BANP: variants seen among roughly 807,000 people sequenced by gnomAD.
BANP encodes BTG3 associated nuclear protein.
In BANP, 11 loss-of-function variants were observed where a neutral mutation model predicts 68.1. That is an observed-to-expected ratio of 0.16 (90% CI 0.10 to 0.27). The LOEUF is 0.27. Among genes scored for constraint, BANP ranks in the 10% least tolerant of loss-of-function variants. The pLI is 1.00. For missense variants in BANP, 504 were observed against 722.7 expected, an observed-to-expected ratio of 0.70 and a Z score of 3.47; for synonymous variants, 329 against 303.2, an observed-to-expected ratio of 1.09 and a Z score of -0.88.
At chr16:88,051,702 A>G (rs1338746201) in intron 11 of BANP, among the ~76,000 whole-genome samples, 1 of 152,188 alleles carries the variant, frequency 6.6e-6, no homozygotes, top group Non-Finnish European at 1.5e-5. Context: ...AAATCCGCAT[A>G]GAGAAATTCA....
intron 11 of BANP, among the ~76,000 whole-genome samples, chr16:88,040,242 A>G (rs1415345928): frequency 2.1e-5 from 3 of 144,880 alleles, no homozygotes; most frequent in Admixed American, 7.0e-5. Context: ...CTCGTTTTCC[A>G]TTTGTGGAAA....
At chr16:88,041,977 G>T (rs564843734) in intron 11 of BANP, among the ~76,000 whole-genome samples, 2 of 152,344 alleles carry the variant, frequency 1.3e-5, no homozygotes, top group South Asian at 2.1e-4. Context: ...AGGAGGGTGA[G>T]AGACGCAGTA....
At chr16:88,041,315 A>G (rs1340944522) in intron 11 of BANP, among the ~76,000 whole-genome samples, 5 of 152,176 alleles carry the variant, frequency 3.3e-5, no homozygotes, top group African/African-American at 4.8e-5. Flanking sequence ...GCCAGCAGCA[A>G]CGTCAGTTCC....
At chr16:87,975,656 T>G (rs1344278735) in intron 2 of BANP, among the ~76,000 whole-genome samples, 1 of 151,614 alleles carries the variant, frequency 6.6e-6, no homozygotes, top group African/African-American at 2.4e-5. Flanking sequence ...GTTGTGTGTG[T>G]AATCCCCTGT....
chr16:87,964,274 C>T (rs1171295279), intron 1 of BANP, among the ~76,000 whole-genome samples: 1 of 152,260 alleles, frequency 6.6e-6, no homozygotes, highest in Non-Finnish European at 1.5e-5. Context: ...GCGGTGCGGG[C>T]CAGGCCCGGT....
At chr16:88,063,848 A>G (rs562903268) in intron 11 of BANP, among the ~76,000 whole-genome samples, 2 of 152,224 alleles carry the variant, frequency 1.3e-5, no homozygotes, top group East Asian at 1.9e-4. Flanking sequence ...CAGCTTTACA[A>G]TAACCATGAA....
At chr16:87,986,595 C>T (rs2064488486) in intron 4 of BANP, among the ~76,000 whole-genome samples, 1 of 152,208 alleles carries the variant, frequency 6.6e-6, no homozygotes, top group Non-Finnish European at 1.5e-5. Context: ...ACCTGGAGCT[C>T]CTCTGGGGCT....
At chr16:88,033,656 A>C (rs1183518561) in intron 9 of BANP, among the ~76,000 whole-genome samples, 2 of 152,162 alleles carry the variant, frequency 1.3e-5, no homozygotes, top group Non-Finnish European at 2.9e-5. Context: ...TTCTAGGATC[A>C]GTGGCAAAAG....
chr16:88,014,468 T>C lies in BANP; in HGVS notation c.656-3960T>C, dbSNP rs1209474050. The stretch of plus-strand genomic sequence containing the variant: ...GGGCATGGAGAGCCCACGTCATCCC[T>C]CCTGGAGGGTCTCAGTGACACTTTG... On this transcript the variant is annotated intron_variant, in intron 6 of 13. Coordinates refer to ENST00000682872, the MANE Select transcript of BANP (RefSeq NM_001386991.1). Among the ~76,000 whole-genome samples the C allele has an allele frequency of 1.3e-5, 2 of 151,978 alleles. 1 individual carries two copies. The highest frequency in any genetic ancestry group is 6.3e-3 in the Middle Eastern group (2 of 316).
chr16:88,026,124 G>A (rs1331447103), intron 7 of BANP, among the ~76,000 whole-genome samples: 4 of 152,344 alleles, frequency 2.6e-5, no homozygotes, highest in South Asian at 4.1e-4. Flanking sequence ...TGCTCAGGGC[G>A]TGCTGAGAGC....
At chr16:87,965,910 A>C (rs1212754658) in intron 1 of BANP, among the ~76,000 whole-genome samples, 1 of 152,130 alleles carries the variant, frequency 6.6e-6, no homozygotes, top group Non-Finnish European at 1.5e-5. Context: ...AGTGGACAGG[A>C]GAGTGGGGCT....
chr16:88,055,573 AAGATT>A (rs1253479152), intron 11 of BANP, among the ~76,000 whole-genome samples: 4 of 152,194 alleles, frequency 2.6e-5, no homozygotes. Flanking sequence ...AGCTGGGAAA[AAGATT>A]AGAAGACATG....
At chr16:88,041,036 T>C (rs2152779653) in intron 11 of BANP, among the ~76,000 whole-genome samples, 1 of 152,352 alleles carries the variant, frequency 6.6e-6, no homozygotes, top group South Asian at 2.1e-4. Context: ...TTTTCCGTCA[T>C]GGGGCTGGGG....
intron 7 of BANP, among the ~76,000 whole-genome samples, chr16:88,026,986 G>T (rs1398574827): frequency 6.6e-6 from 1 of 152,266 alleles, no homozygotes; most frequent in African/African-American, 2.4e-5. Flanking sequence ...TTATCCAGGG[G>T]GATGGTGAAG....
rs544547346 is a variant in BANP at position 88,034,362 on chromosome 16, G to T, written c.1201-961G>T. ...AACATTCTACAGGAGTTTATTTTAA[G>T]ATCCATTTCGACTAAGAGAGAATTT... On this transcript the variant is annotated intron_variant, in intron 9 of 13. Coordinates refer to ENST00000682872, the MANE Select transcript of BANP (RefSeq NM_001386991.1). 2.6e-3 allele frequency among the ~76,000 whole-genome samples: 397 copies of T among 152,306 alleles called. 3 individuals carry two copies. Among genetic ancestry groups the T allele is most frequent in the Non-Finnish European group, 3.7e-3 (255 of 68,028 alleles).
intron 1 of BANP, among the ~76,000 whole-genome samples, chr16:87,956,121 C>T (rs958601249): frequency 2.0e-5 from 3 of 152,270 alleles, no homozygotes; most frequent in South Asian, 2.1e-4. Context: ...TTGGGTTCCT[C>T]GTCTGCAGTG....
Position 88,071,443 on chromosome 16 carries a change from T to C in BANP, c.1378-626T>C. On this transcript the variant is annotated intron_variant, in intron 12 of 13. Coordinates refer to ENST00000682872, the MANE Select transcript of BANP (RefSeq NM_001386991.1). This position sits in a 1 kb window ranked among gnomAD's most constrained non-coding sequence, Gnocchi z 6.5. Reference sequence around the variant, plus strand: ...GGCCTCGCCTGTCCCCCATTCTCATTCCATACTCTGGGAGGCGGTACAAGG... The same window carrying C: ...GGCCTCGCCTGTCCCCCATTCTCATCCCATACTCTGGGAGGCGGTACAAGG... 1 of 456,184 alleles carries C rather than the reference T, an allele frequency of 2.2e-6. No homozygotes were observed. Among genetic ancestry groups the C allele is most frequent in the Non-Finnish European group, 4.4e-6 (1 of 226,728 alleles). 28.3% of individuals were successfully genotyped at this position (456,184 alleles called of 1,614,324 possible).
chr16:87,955,016 G>T (rs1033189135), intron 1 of BANP, among the ~76,000 whole-genome samples: 1 of 152,356 alleles, frequency 6.6e-6, no homozygotes, highest in Non-Finnish European at 1.5e-5. Flanking sequence ...GGCCTTGGAG[G>T]GCTGCCAGCG....
intron 1 of BANP, among the ~76,000 whole-genome samples, chr16:87,961,457 C>T (rs888209267): frequency 1.3e-5 from 2 of 150,638 alleles, no homozygotes; most frequent in African/African-American, 4.9e-5. Flanking sequence ...TGAGCCACTT[C>T]CCCTGGTGAG....
Sources: allele counts gnomAD v4.1 joint callset (sites outside exome capture counted in the v4.1 genomes callset), GRCh38; gene constraint gnomAD v4.1.1; non-coding constraint Gnocchi (gnomAD v3.1); transcripts MANE v1.5; gene names NCBI Gene and HGNC (gene_info 2026-07-23, HGNC 2026-07-21).